Variants in TSC2 observed in about 807,000 individuals in gnomAD.
The protein encoded by TSC2 is tuberin.
TSC2 carries 29 observed loss-of-function variants against 202.2 expected under a neutral mutation model. The ratio of observed to expected loss-of-function variants is 0.14; its 90% confidence interval spans 0.11 to 0.20. TSC2 has a LOEUF of 0.20. Among genes scored for constraint, TSC2 ranks in the 10% least tolerant of loss-of-function variants. TSC2 has a pLI of 1.00. For synonymous variants in TSC2, 1,349 were observed against 1,044.0 expected, an observed-to-expected ratio of 1.29 and a Z score of -5.63; for missense variants, 2,429 against 2,420.0, an observed-to-expected ratio of 1.00 and a Z score of -0.08.
intron 16 of TSC2, 25 bp from the exon 17 acceptor site, chr16:2,070,431 G>A: frequency 1.2e-6 from 2 of 1,613,236 alleles, no homozygotes; most frequent in African/African-American, 1.3e-5. Flanking sequence ...CCTGCGCCGT[G>A]GTGAGCTGCG....
At chr16:2,059,787 G>A (rs1034061174) in intron 10 of TSC2, among the ~76,000 whole-genome samples, 1 of 152,264 alleles carries the variant, frequency 6.6e-6, no homozygotes, top group African/African-American at 2.4e-5. Flanking sequence ...CCAAAGTGCT[G>A]GAATTATAGG....
At chr16:2,059,731 C>G (rs573025719) in intron 10 of TSC2, among the ~76,000 whole-genome samples, 37 of 152,174 alleles carry the variant, frequency 2.4e-4, no homozygotes, top group Middle Eastern at 3.4e-3. Context: ...ATTGGTCAGG[C>G]TGGTCTCAAA....
In TSC2 at chr16:2,071,790, A is replaced by C. The variant is rs1051935578; in HGVS notation, c.1953A>C (p.Pro651=). ...GCTTCTCTTGCTTCTGCAGGGAGCC[A>C]GAGAGAGGCTCTGAGAAGAAGACCA... The part of the protein sequence containing the change: ...SPYCVCDYME[P]ERGSEKKTSG... The change falls in exon 19 of 42, where the codon CCA becomes CCC. Residue 651 remains proline (P), a synonymous_variant. Transcript: ENST00000219476. 1 of 1,606,506 alleles carries C rather than the reference A, an allele frequency of 6.2e-7. No homozygotes were observed. Among genetic ancestry groups the C allele is most frequent in the Admixed American group, 1.7e-5 (1 of 59,318 alleles).
In TSC2 at chr16:2,084,981, C is replaced by A. The variant is rs1596422510; in HGVS notation, c.4524C>A (p.Pro1508=). 1.3e-6 allele frequency: 2 copies of A among 1,596,684 alleles called. No homozygotes were observed. Among genetic ancestry groups the A allele is most frequent in the Non-Finnish European group, 1.7e-6 (2 of 1,168,942 alleles). Residue 1508 remains proline (P), a synonymous_variant, in exon 35 of 42, where the codon CCC becomes CCA. Transcript: ENST00000219476. ...SFVFLQLYHS[P]FFGDESNKPI... Reference sequence around the variant, plus strand: ...TGTTCCTGCAGCTCTACCATTCCCCCTTCTTTGGCGACGAGTCAAACAAGC... The same window carrying A: ...TGTTCCTGCAGCTCTACCATTCCCCATTCTTTGGCGACGAGTCAAACAAGC...
At chr16:2,069,905 A>G (rs561629102) in intron 16 of TSC2, among the ~76,000 whole-genome samples, 8 of 152,268 alleles carry the variant, frequency 5.3e-5, no homozygotes, top group African/African-American at 1.9e-4. Flanking sequence ...GAGCCACCAC[A>G]CCTGGCCTCA....
intron 10 of TSC2, 37 bp downstream of exon 10, chr16:2,058,910 CG>C (rs753331517): frequency 6.3e-7 from 1 of 1,595,492 alleles, no homozygotes; most frequent in Non-Finnish European, 8.5e-7. Flanking sequence ...CTGGCAGGAA[CG>C]GGAGAGCTCC....
intron 21 of TSC2, among the ~76,000 whole-genome samples, chr16:2,073,509 C>T (rs1014675547): frequency 3.3e-5 from 5 of 152,388 alleles, no homozygotes; most frequent in East Asian, 1.9e-4. Flanking sequence ...GGGCCATGCC[C>T]GCCAGGAGAT....
In TSC2 at chr16:2,084,957, G is replaced by T; in HGVS notation, c.4500G>T (p.Val1500=). 1 of 1,613,302 alleles carries T rather than the reference G, an allele frequency of 6.2e-7. No individual in the cohort carries two copies. Among genetic ancestry groups the T allele is most frequent in the African/African-American group, 1.3e-5 (1 of 75,070 alleles). The change falls in exon 35 of 42, where the codon GTG becomes GTT. Residue 1500 remains valine, a synonymous_variant. Transcript: ENST00000219476. Reference sequence around the variant, plus strand: ...CCATCCCCTCCCTGTGCAGTTTCGTGTTCCTGCAGCTCTACCATTCCCCCT... The same window carrying T: ...CCATCCCCTCCCTGTGCAGTTTCGTTTTCCTGCAGCTCTACCATTCCCCCT... ...EKVPGINPSF[V]FLQLYHSPFF...
chr16:2,050,572 G>A, intron 3 of TSC2, 86 bp downstream of exon 3: 2 of 1,060,072 alleles, frequency 1.9e-6, no homozygotes, highest in Non-Finnish European at 2.9e-6. Context: ...ATGGTTGACA[G>A]CTGACTGCCG....
chr16:2,054,703 C>G, intron 5 of TSC2: 1 of 546,742 alleles, frequency 1.8e-6, no homozygotes. Context: ...ACCTCTGCAA[C>G]GGCAGGAGCT....
At chr16:2,055,694 C>T (rs1011084016) in intron 6 of TSC2, 175 bp downstream of exon 6, 12 of 640,048 alleles carry the variant, frequency 1.9e-5, no homozygotes, top group African/African-American at 3.6e-5. Context: ...AGTTCGAGAC[C>T]AGCCTGGCCA....
intron 22 of TSC2, chr16:2,074,640 A>C (rs982394633): frequency 1.2e-5 from 7 of 565,692 alleles, no homozygotes; most frequent in Non-Finnish European, 2.2e-5. Flanking sequence ...CCCCCCGAGC[A>C]GTGGCCCTCC....
rs566481634 is a variant in TSC2 at position 2,063,449 on chromosome 16, C to T, written c.1443+396C>T. On this transcript the variant is annotated intron_variant, in intron 14 of 41. Coordinates refer to ENST00000219476, the MANE Select transcript of TSC2 (RefSeq NM_000548.5). ...TGATCGCCAGCCCTGCCTGGTCTCTCCTCTGCGGGCTCTCCCTCTCCACTC... is the reference window on the plus strand; with the variant it reads ...TGATCGCCAGCCCTGCCTGGTCTCTTCTCTGCGGGCTCTCCCTCTCCACTC... The T allele has an allele frequency of 4.0e-3, 1,379 of 341,094 alleles. 5 individuals are homozygous for T. The highest frequency in any genetic ancestry group is 5.6e-3 in the Non-Finnish European group (995 of 178,144). 21.1% of individuals were successfully genotyped at this position (341,094 alleles called of 1,614,324 possible).
Position 2,056,626 on chromosome 16 carries a change from C to A in TSC2, c.649-18C>A, listed in dbSNP as rs771537061. The A allele has an allele frequency of 1.9e-6, 3 of 1,607,350 alleles. No homozygotes were observed. Among genetic ancestry groups the A allele is most frequent in the Admixed American group, 3.3e-5 (2 of 59,988 alleles). On this transcript the variant is annotated intron_variant, in intron 7 of 41. Transcript: ENST00000219476. ...GAGCTGGGGTAGGACGGGCGTGAGC[C>A]GTCTCCCTCTCCACCAGGTCTCCCT...
chr16:2,064,546 G>A, intron 15 of TSC2, 119 bp downstream of exon 15: 1 of 1,498,052 alleles, frequency 6.7e-7, no homozygotes. Flanking sequence ...CGTAGGTGAG[G>A]CTCCCCTCCC....
intron 24 of TSC2, 104 bp from the exon 25 acceptor site, chr16:2,076,387 C>T (rs2089371723): frequency 6.3e-7 from 1 of 1,588,104 alleles, no homozygotes; most frequent in Non-Finnish European, 8.6e-7. Flanking sequence ...CGCCTTGCCC[C>T]TAGCCTGCAG....
rs147607620 is a variant in TSC2, at chr16:2,049,016, C to A, written c.138+263C>A. ...CTTATAGATGAGGCCTGAGTATCAT[C>A]ATCTTCACAGGTAAGGATATGTCCA... is the stretch of plus-strand genomic sequence containing the variant. On this transcript the variant is annotated intron_variant, in intron 2 of 41. Coordinates refer to ENST00000219476, the MANE Select transcript of TSC2 (RefSeq NM_000548.5). 4.0e-3 allele frequency among the ~76,000 whole-genome samples: 608 copies of A among 152,298 alleles called. 4 individuals are homozygous for A. The highest frequency in any genetic ancestry group is 0.014 in the African/African-American group (562 of 41,562).
intron 41 of TSC2, 27 bp from the exon 42 acceptor site, chr16:2,088,419 T>C: frequency 6.2e-7 from 1 of 1,612,660 alleles, no homozygotes; most frequent in African/African-American, 1.3e-5. Flanking sequence ...CTCCCAGACT[T>C]ACTGCCCAAG....
rs545371620 is a variant in TSC2, at chr16:2,089,300, G to A, written c.*690G>A. 16 of 239,926 alleles carry A rather than the reference G, an allele frequency of 6.7e-5. 1 individual carries two copies. In the South Asian group the frequency reaches 1.4e-3, roughly 21 times the overall value. 14.9% of individuals were successfully genotyped at this position (239,926 alleles called of 1,614,324 possible). On this transcript the variant is annotated 3_prime_UTR_variant, in exon 42 of 42. Transcript: ENST00000219476. ...AAATTACTGACACGAGACACACAGT[G>A]AGACGGTGCAGGGAGTACGGTAGGA... is the stretch of plus-strand genomic sequence containing the variant.
Sources: gnomAD v4.1 joint callset for allele counts (sites outside exome capture counted in the v4.1 genomes callset) on GRCh38, gnomAD v4.1.1 for gene constraint, MANE v1.5 for transcripts, NCBI Gene and HGNC (gene_info 2026-07-23, HGNC 2026-07-21) for gene names.